RPS6KC1: variants seen among roughly 807,000 people sequenced by gnomAD.
The protein encoded by RPS6KC1 is inactive ribosomal protein S6 kinase delta-1.
RPS6KC1 carries 54 observed loss-of-function variants against 103.8 expected under a neutral mutation model. The ratio of observed to expected loss-of-function variants is 0.52; its 90% CI spans 0.42 to 0.65. RPS6KC1 has a LOEUF of 0.65. RPS6KC1 is among the 30% of genes least tolerant of loss of function. The pLI, the probability that RPS6KC1 is intolerant of heterozygous loss-of-function variation, is 0.00. For synonymous variants in RPS6KC1, 439 were observed against 438.7 expected, an observed-to-expected ratio of 1.00 and a Z score of -0.01; for missense variants, 1,151 against 1,253.8, an observed-to-expected ratio of 0.92 and a Z score of 1.24.
At chr1:213,332,562 A>G in the RPS6KC1 span, among the ~76,000 whole-genome samples, 2 of 152,208 alleles carry the variant, frequency 1.3e-5, no homozygotes, top group African/African-American at 4.8e-5. Flanking sequence ...CTATAGGAAG[A>G]GTCTCATTAG....
chr1:213,191,117 AT>A (rs2148470150), intron 8 of RPS6KC1, among the ~76,000 whole-genome samples: 1 of 152,140 alleles, frequency 6.6e-6, no homozygotes, highest in East Asian at 1.9e-4. Context: ...TTAGGATTGC[AT>A]TGGCTATTCT....
intron 6 of RPS6KC1, among the ~76,000 whole-genome samples, chr1:213,158,374 C>G (rs981913774): frequency 2.6e-5 from 4 of 152,132 alleles, no homozygotes; most frequent in African/African-American, 4.8e-5. Context: ...GGGCTCTGTT[C>G]AGTTTTGATC....
the RPS6KC1 span, among the ~76,000 whole-genome samples, chr1:213,600,471 C>A: frequency 1.3e-5 from 2 of 152,140 alleles, no homozygotes; most frequent in Admixed American, 6.5e-5. Flanking sequence ...TTTTTCTAAT[C>A]GGGCCTATAG....
chr1:213,135,033 C>G (rs1174082295), intron 6 of RPS6KC1, among the ~76,000 whole-genome samples: 1 of 152,064 alleles, frequency 6.6e-6, no homozygotes, highest in Non-Finnish European at 1.5e-5. Flanking sequence ...TTCAGTCTTA[C>G]CGTGGAATAT....
At position 213,084,268 on chromosome 1, in the gene RPS6KC1, C is replaced by T. The variant is rs2080178228; in HGVS notation, c.262+6452C>T. ...AGTTTTAATTTCTTAACTTTTCTTT[C>T]TTTCTTTTCTAACTTTTTTGAGACA... On this transcript the variant is annotated intron_variant, in intron 3 of 14. Coordinates refer to ENST00000366960, the MANE Select transcript of RPS6KC1 (RefSeq NM_012424.6). Among the ~76,000 whole-genome samples the T allele has an allele frequency of 2.6e-5, 4 of 151,626 alleles. No individual in the cohort carries two copies. In the South Asian group the frequency reaches 8.3e-4, roughly 32 times the overall value.
chr1:213,760,524 G>A, the RPS6KC1 span, among the ~76,000 whole-genome samples: 1 of 152,134 alleles, frequency 6.6e-6, no homozygotes, highest in African/African-American at 2.4e-5. Flanking sequence ...GGCAAGCTTT[G>A]CTTCTGCTTT....
the RPS6KC1 span, among the ~76,000 whole-genome samples, chr1:213,569,903 A>T: frequency 2.6e-5 from 4 of 152,324 alleles, no homozygotes; most frequent in Admixed American, 2.6e-4. Context: ...GAGATCAAAG[A>T]CTTCACCCAA....
At chr1:213,137,778 T>TCTCTCTATAA (rs66907285) in intron 6 of RPS6KC1, among the ~76,000 whole-genome samples, 1 of 62,034 alleles carries the variant, frequency 1.6e-5, no homozygotes, top group African/African-American at 1.1e-4. Flanking sequence ...TCTCTCTCTC[T>TCTCTCTATAA]ATATATATAT....
chr1:213,807,893 C>T, the RPS6KC1 span, among the ~76,000 whole-genome samples: 1 of 152,106 alleles, frequency 6.6e-6, no homozygotes, highest in South Asian at 2.1e-4. Context: ...TGTTTTTTCC[C>T]CATCTTTGTG....
chr1:213,424,541 G>T, the RPS6KC1 span, among the ~76,000 whole-genome samples: 41 of 152,252 alleles, frequency 2.7e-4, no homozygotes, highest in Non-Finnish European at 8.8e-5. Flanking sequence ...TACTCCAGGG[G>T]ATAACAAGGC....
intron 3 of RPS6KC1, among the ~76,000 whole-genome samples, chr1:213,080,295 C>G (rs1572394962): frequency 6.6e-6 from 1 of 152,100 alleles, no homozygotes; most frequent in Non-Finnish European, 1.5e-5. Flanking sequence ...CTTGTTTACC[C>G]TGTTTCTCTG....
the RPS6KC1 span, among the ~76,000 whole-genome samples, chr1:213,339,042 T>C: frequency 6.6e-6 from 1 of 152,032 alleles, no homozygotes; most frequent in Admixed American, 6.6e-5. Context: ...GGCAGGTGGA[T>C]CACCTGAGGT....
the RPS6KC1 span, among the ~76,000 whole-genome samples, chr1:213,483,243 G>A: frequency 6.6e-6 from 1 of 152,114 alleles, no homozygotes; most frequent in Non-Finnish European, 1.5e-5. Context: ...CAGCATGAGG[G>A]TAACCACCCC....
chr1:213,763,097 G>A, the RPS6KC1 span, among the ~76,000 whole-genome samples: 1 of 152,134 alleles, frequency 6.6e-6, no homozygotes, highest in East Asian at 1.9e-4. Context: ...GACCTCAGGT[G>A]ATCCACCTGC....
the RPS6KC1 span, among the ~76,000 whole-genome samples, chr1:213,830,865 A>G: frequency 6.6e-6 from 1 of 152,134 alleles, no homozygotes; most frequent in African/African-American, 2.4e-5. Context: ...CAGGATAGTC[A>G]TCACCTTTCT....
the RPS6KC1 span, among the ~76,000 whole-genome samples, chr1:213,726,697 T>C: frequency 6.6e-6 from 1 of 152,256 alleles, no homozygotes; most frequent in South Asian, 2.1e-4. Context: ...TATCTATTGA[T>C]GTATCTACCT....
At chr1:213,433,664 G>C in the RPS6KC1 span, among the ~76,000 whole-genome samples, 1 of 152,126 alleles carries the variant, frequency 6.6e-6, no homozygotes, top group Admixed American at 6.5e-5. Context: ...TGATGATAGC[G>C]ATTATAGTTG....
chr1:213,157,356 G>A (rs1353678560), intron 6 of RPS6KC1, among the ~76,000 whole-genome samples: 1 of 151,962 alleles, frequency 6.6e-6, no homozygotes, highest in Non-Finnish European at 1.5e-5. Context: ...ACAAGTGCCT[G>A]CCACCATGTC....
At chr1:213,234,016 T>G (rs114148040) in intron 10 of RPS6KC1, among the ~76,000 whole-genome samples, 1 of 133,150 alleles carries the variant, frequency 7.5e-6, no homozygotes, top group South Asian at 2.2e-4. Flanking sequence ...CTCTCTCTCT[T>G]TTTTTTTTTT....
Sources: gnomAD v4.1 joint callset for allele counts (sites outside exome capture counted in the v4.1 genomes callset) on GRCh38, gnomAD v4.1.1 for gene constraint, MANE v1.5 for transcripts, NCBI Gene and HGNC (gene_info 2026-07-23, HGNC 2026-07-21) for gene names.